The following COPG2 variants were observed in gnomAD, a reference collection of about 807,000 sequenced individuals.
The protein encoded by COPG2 is coatomer subunit gamma-2.
Under a neutral mutation model 46.3 loss-of-function variants are expected in COPG2, and 37 were observed. The observed-to-expected ratio is 0.80, with a 90% CI of 0.61 to 1.05. The LOEUF is 1.05. Ranked by LOEUF, COPG2 falls within the 50% of genes least tolerant of loss-of-function variation. The pLI is 0.00. For synonymous variants in COPG2, 159 were observed against 129.7 expected (o/e 1.23, Z -1.53); for missense variants, 427 against 387.8 (o/e 1.10, Z -0.85).
chr7:130,513,303 A>AT (rs1563033891), intron 20 of COPG2, among the ~76,000 whole-genome samples: 17 of 46,712 alleles, frequency 3.6e-4, no homozygotes, highest in African/African-American at 1.4e-3. Flanking sequence ...AAAAAAAAAA[A>AT]AAAAAATATA....
intron 5 of COPG2, among the ~76,000 whole-genome samples, chr7:130,621,051 C>T (rs74547286): frequency 0.042 from 6,420 of 152,084 alleles, 193 homozygotes; most frequent in Admixed American, 0.088. Flanking sequence ...CACAAGTGTC[C>T]CCATAAGAGC....
intron 4 of COPG2, among the ~76,000 whole-genome samples, chr7:130,658,759 C>A (rs1795909163): frequency 6.6e-6 from 1 of 151,950 alleles, no homozygotes; most frequent in Admixed American, 6.6e-5. Flanking sequence ...CAGCTCACTG[C>A]AATCTCCCCC....
chr7:130,582,057 G>C (rs1794157285), intron 9 of COPG2, among the ~76,000 whole-genome samples: 1 of 151,968 alleles, frequency 6.6e-6, no homozygotes, highest in African/African-American at 2.4e-5. Context: ...TAAGCCAAAA[G>C]AACAAAGCTG....
chr7:130,662,796 C>T lies in COPG2; in HGVS notation c.243+171G>A, dbSNP rs147104943. On this transcript the variant is annotated intron_variant, in intron 4 of 23. Coordinates refer to ENST00000425248, the MANE Select transcript of COPG2 (RefSeq NM_012133.6). ...GCAGGGAAAAGTTTTACACTGCATA[C>T]TTTAATTCTTCCATTTTCACGTCTT... Among the ~76,000 whole-genome samples, 24 of 152,286 alleles carry T rather than the reference C, an allele frequency of 1.6e-4. No individual in the cohort carries two copies. The East Asian group carries it at 4.6e-3, about 29-fold the overall frequency.
In COPG2 at chr7:130,577,446, T is replaced by C. The variant is rs142092581; in HGVS notation, c.738-13053A>G. The stretch of plus-strand genomic sequence containing the variant: ...AAATCGGGTCACTCCCACCCGAATA[T>C]TGAGCTTTTCCGACCGGCTTAAAAA... On this transcript the variant is annotated intron_variant, in intron 9 of 23. Coordinates refer to ENST00000425248, the MANE Select transcript of COPG2 (RefSeq NM_012133.6). Among the ~76,000 whole-genome samples, 1,493 of 152,252 alleles carry C rather than the reference T, an allele frequency of 9.8e-3. 24 individuals are homozygous for C. Among genetic ancestry groups the C allele is most frequent in the African/African-American group, 0.034 (1,414 of 41,536 alleles).
chr7:130,567,621 A>C (rs1486171694), intron 9 of COPG2, among the ~76,000 whole-genome samples: 2 of 152,214 alleles, frequency 1.3e-5, no homozygotes, highest in Non-Finnish European at 2.9e-5. Context: ...TTCTCAGCAG[A>C]AACCCTACAA....
intron 1 of COPG2, among the ~76,000 whole-genome samples, chr7:130,668,013 CTG>C (rs1180174786): frequency 6.6e-6 from 1 of 152,132 alleles, no homozygotes; most frequent in African/African-American, 2.4e-5. Flanking sequence ...CTACCAAACA[CTG>C]AGAATTTTTT....
At chr7:130,546,845 T>A (rs1793452008) in intron 20 of COPG2, 1 of 152,234 alleles carries the variant, frequency 6.6e-6, no homozygotes. Flanking sequence ...TTTGTTAATT[T>A]TTTAACTTCT....
At chr7:130,517,549 T>C (rs1398998119) in intron 20 of COPG2, among the ~76,000 whole-genome samples, 1 of 152,198 alleles carries the variant, frequency 6.6e-6, no homozygotes, top group East Asian at 1.9e-4. Flanking sequence ...CCTAAAAAGG[T>C]ACTGCTAGCA....
intron 20 of COPG2, among the ~76,000 whole-genome samples, chr7:130,516,498 C>G (rs1177793146): frequency 6.6e-6 from 1 of 152,010 alleles, no homozygotes; most frequent in Non-Finnish European, 1.5e-5. Flanking sequence ...TTAGGACTTG[C>G]CAAAAGTGAG....
chr7:130,524,090 TGAAA>T (rs1799752524), intron 20 of COPG2, among the ~76,000 whole-genome samples: 1 of 151,474 alleles, frequency 6.6e-6, no homozygotes, highest in African/African-American at 2.4e-5. Context: ...CACAAGAATG[TGAAA>T]GAAAGGATGC....
At chr7:130,534,529 T>A (rs1799860451) in intron 20 of COPG2, among the ~76,000 whole-genome samples, 1 of 152,124 alleles carries the variant, frequency 6.6e-6, no homozygotes, top group Non-Finnish European at 1.5e-5. Flanking sequence ...GCTTCATACC[T>A]AGTGGAGCAT....
intron 9 of COPG2, among the ~76,000 whole-genome samples, chr7:130,591,783 G>T (rs1489882384): frequency 6.8e-6 from 1 of 147,892 alleles, no homozygotes; most frequent in South Asian, 2.1e-4. Flanking sequence ...AAGTGGAGGG[G>T]TCAGCCCCCC....
chr7:130,657,314 G>C (rs1349904926), intron 4 of COPG2, among the ~76,000 whole-genome samples: 1 of 152,086 alleles, frequency 6.6e-6, no homozygotes, highest in African/African-American at 2.4e-5. Context: ...AGAAAAGGAA[G>C]AGGCAGTGGA....
intron 9 of COPG2, among the ~76,000 whole-genome samples, chr7:130,588,912 T>C (rs1794341645): frequency 6.6e-6 from 1 of 152,224 alleles, no homozygotes; most frequent in Non-Finnish European, 1.5e-5. Flanking sequence ...GTTATTTATC[T>C]TTCCCAATAT....
chr7:130,601,686 G>A (rs1463909888), intron 9 of COPG2, among the ~76,000 whole-genome samples: 2 of 152,154 alleles, frequency 1.3e-5, no homozygotes, highest in African/African-American at 4.8e-5. Flanking sequence ...CCAGGGGAGG[G>A]ATAGCGTTAG....
chr7:130,639,553 A>G (rs1280086574), intron 5 of COPG2, among the ~76,000 whole-genome samples: 2 of 152,058 alleles, frequency 1.3e-5, no homozygotes, highest in African/African-American at 4.8e-5. Context: ...GCATATTTTG[A>G]TTATGTCATG....
chr7:130,661,954 T>C (rs1257099044), intron 4 of COPG2, among the ~76,000 whole-genome samples: 2 of 152,142 alleles, frequency 1.3e-5, no homozygotes, highest in African/African-American at 4.8e-5. Context: ...TCAGTTACAA[T>C]GCAAATTGAA....
intron 20 of COPG2, among the ~76,000 whole-genome samples, chr7:130,522,343 G>C (rs1233109857): frequency 6.6e-6 from 1 of 152,184 alleles, no homozygotes; most frequent in Admixed American, 6.5e-5. Context: ...ATGCATGATG[G>C]GGATAAGAGG....
Sources: allele counts gnomAD v4.1 joint callset (sites outside exome capture counted in the v4.1 genomes callset), GRCh38; gene constraint gnomAD v4.1.1; transcripts MANE v1.5; gene names NCBI Gene and HGNC (gene_info 2026-07-23, HGNC 2026-07-21).